The following CDKL5 variants were observed in gnomAD, a reference collection of about 807,000 sequenced individuals.
The protein encoded by CDKL5 is cyclin-dependent kinase-like 5.
Under a neutral mutation model 61.7 loss-of-function variants are expected in CDKL5, and 8 were observed. The observed-to-expected ratio is 0.13, with a 90% CI of 0.08 to 0.23. The LOEUF (loss-of-function observed/expected upper bound fraction) is 0.23, where lower values mean the gene tolerates loss of function less well. Among genes scored for constraint, CDKL5 ranks in the 10% least tolerant of loss-of-function variants. The pLI, the probability that CDKL5 is intolerant of heterozygous loss-of-function variation, is 1.00. For missense variants in CDKL5, 440 were observed against 734.5 expected, an observed-to-expected ratio of 0.60 and a Z score of 4.63; for synonymous variants, 275 against 272.3, an observed-to-expected ratio of 1.01 and a Z score of -0.10.
chrX:18,482,858 A>C (rs948391241), intron 1 of CDKL5, among the ~76,000 whole-genome samples: 3 of 111,893 alleles, frequency 2.7e-5, no homozygotes, highest in African/African-American at 9.7e-5. Context: ...ATTTTCAGTG[A>C]TATTGTTCAA....
intron 1 of CDKL5, among the ~76,000 whole-genome samples, chrX:18,456,958 A>G (rs903759440): frequency 1.8e-5 from 2 of 111,001 alleles, no homozygotes; most frequent in African/African-American, 3.3e-5. Flanking sequence ...CTTCATCAGT[A>G]TCCTTCTTAG....
chrX:18,457,198 C>T (rs1932162627), intron 1 of CDKL5, among the ~76,000 whole-genome samples: 1 of 110,898 alleles, frequency 9.0e-6, no homozygotes, highest in Non-Finnish European at 1.9e-5. Context: ...CTTTCAATTC[C>T]CCATTCTGGT....
chrX:18,591,092 A>G (rs188392172), intron 9 of CDKL5, among the ~76,000 whole-genome samples: 7 of 110,253 alleles, frequency 6.3e-5, no homozygotes, highest in Admixed American at 1.9e-4. Flanking sequence ...CATTCTGTCA[A>G]TCTCAAAGAG....
chrX:18,619,764 A>G, intron 15 of CDKL5, 103 bp from the exon 16 acceptor site: 1 of 546,796 alleles, frequency 1.8e-6, no homozygotes, highest in Admixed American at 3.3e-5. Flanking sequence ...CTTCCCGGCT[A>G]TAGGAACCTA....
intron 1 of CDKL5, among the ~76,000 whole-genome samples, chrX:18,461,956 G>A (rs2147646847): frequency 9.0e-6 from 1 of 111,682 alleles, no homozygotes; most frequent in African/African-American, 3.2e-5. Flanking sequence ...GAGAGGGGAA[G>A]GTATCCTTGT....
At chrX:18,584,236 A>G (rs764376734) in intron 7 of CDKL5, 27 bp from the exon 8 acceptor site, 1 of 1,017,961 alleles carries the variant, frequency 9.8e-7, no homozygotes, top group Non-Finnish European at 1.4e-6. Context: ...TTTCAAAGTT[A>G]CAACTTTGGA....
intron 1 of CDKL5, among the ~76,000 whole-genome samples, chrX:18,504,698 G>A (rs886462143): frequency 3.8e-4 from 42 of 110,770 alleles, no homozygotes; most frequent in Non-Finnish European, 7.4e-4. Context: ...TTGGGAGGCC[G>A]AGACGGGCGG....
chrX:18,542,320 G>A (rs1055374429), intron 3 of CDKL5, among the ~76,000 whole-genome samples: 13 of 111,773 alleles, frequency 1.2e-4, no homozygotes, highest in Admixed American at 1.1e-3. Context: ...CCAGCCTGGC[G>A]GGGGATTAGA....
At chrX:18,481,362 TTC>T (rs1921561935) in intron 1 of CDKL5, among the ~76,000 whole-genome samples, 2 of 99,062 alleles carry the variant, frequency 2.0e-5, no homozygotes, top group African/African-American at 8.0e-5. Flanking sequence ...CTTTCTTTCT[TTC>T]TTTCTTTTGA....
chrX:18,509,197 G>GCACGCGCGCGCGCGCACACACA lies in CDKL5; in HGVS notation c.65-1620_65-1619insGCGCGCGCGCGCACACACACAC, dbSNP rs1204561636. Among the ~76,000 whole-genome samples, 9 of 64,308 alleles carry GCACGCGCGCGCGCGCACACACA rather than the reference G, an allele frequency of 1.4e-4. No individual in the cohort carries two copies. In the East Asian group the frequency reaches 2.1e-3, roughly 15 times the overall value. The allele number at this position is 64,308 out of a possible 115,157, so 55.8% of individuals were successfully genotyped here. A position where few individuals can be genotyped will look rare whatever the true frequency, so the allele number is the denominator to read the frequency against. On this transcript the variant is annotated intron_variant, in intron 2 of 17. Coordinates refer to ENST00000623535, the MANE Select transcript of CDKL5 (RefSeq NM_001323289.2). ...AGAGAGCGAGACTGTCTCAAAACAC[G>GCACGCGCGCGCGCGCACACACA]CACACACACACACACACACACACAC...
At chrX:18,528,389 A>G (rs1441300455) in intron 3 of CDKL5, among the ~76,000 whole-genome samples, 1 of 110,111 alleles carries the variant, frequency 9.1e-6, no homozygotes. Context: ...AGTTTGGTAC[A>G]TTCATATTAA....
chrX:18,620,005 T>A (rs1434005057), intron 16 of CDKL5, 39 bp downstream of exon 16: 1 of 831,542 alleles, frequency 1.2e-6, no homozygotes, highest in Non-Finnish European at 1.8e-6. Context: ...ATAACATGTT[T>A]CTGCATTATT....
At chrX:18,644,378 G>T, downstream of CDKL5, 1 of 1,114,775 alleles carries the variant, frequency 9.0e-7, no homozygotes, top group South Asian at 1.8e-5. Context: ...GGACAGGAGG[G>T]GAAGTCCCAG....
intron 12 of CDKL5, among the ~76,000 whole-genome samples, chrX:18,606,728 G>A (rs146122673): frequency 7.0e-4 from 79 of 112,629 alleles, no homozygotes; most frequent in African/African-American, 2.3e-3. Context: ...ATGTTACATA[G>A]CATGGTATGC....
chrX:18,634,659 CCG>C lies in CDKL5; in HGVS notation c.*5903_*5904del, dbSNP rs1927333673. 1 of 751,508 alleles carries C rather than the reference CCG, an allele frequency of 1.3e-6. No individual in the cohort carries two copies. Among genetic ancestry groups the C allele is most frequent in the African/African-American group, 2.3e-5 (1 of 42,933 alleles). The allele number at this position is 751,508 out of a possible 1,213,427, so 61.9% of individuals were successfully genotyped here. A position where few individuals can be genotyped will look rare whatever the true frequency, so the allele number is the denominator to read the frequency against. On this transcript the variant is annotated 3_prime_UTR_variant, in exon 18 of 18. Transcript: ENST00000623535. ...CCTCCCCTTGTTTACTCTTTGGTCACCGATCGAGTCAGGCTAGAGGGGTAATA... is the reference window on the plus strand; with the variant it reads ...CCTCCCCTTGTTTACTCTTTGGTCACATCGAGTCAGGCTAGAGGGGTAATA...
intron 3 of CDKL5, among the ~76,000 whole-genome samples, chrX:18,561,309 T>C (rs1924797393): frequency 9.0e-6 from 1 of 111,135 alleles, no homozygotes; most frequent in South Asian, 3.7e-4. Flanking sequence ...AATAGGACAC[T>C]TTGTCAGAAA....
intron 1 of CDKL5, among the ~76,000 whole-genome samples, chrX:18,430,664 C>T (rs968059110): frequency 1.8e-5 from 2 of 109,045 alleles, no homozygotes; most frequent in African/African-American, 3.3e-5. Flanking sequence ...AGGCTGGTCT[C>T]GAACTCCTGA....
chrX:18,566,028 C>T (rs183936256), intron 4 of CDKL5, among the ~76,000 whole-genome samples: 8 of 112,126 alleles, frequency 7.1e-5, no homozygotes, highest in South Asian at 7.5e-4. Flanking sequence ...GCACAACCTT[C>T]GCATGCATGT....
chrX:18,457,749 G>T (rs1209779779), intron 1 of CDKL5, among the ~76,000 whole-genome samples: 2 of 107,051 alleles, frequency 1.9e-5, no homozygotes, highest in African/African-American at 6.8e-5. Context: ...CTTAGTAGCT[G>T]GGATTACAGG....
Sources: allele counts gnomAD v4.1 joint callset (sites outside exome capture counted in the v4.1 genomes callset), GRCh38; gene constraint gnomAD v4.1.1; transcripts MANE v1.5; gene names NCBI Gene and HGNC (gene_info 2026-07-23, HGNC 2026-07-21).